MYLK: variants seen among roughly 807,000 people sequenced by gnomAD.
MYLK encodes myosin light chain kinase, also known as myosin light chain kinase, smooth muscle.
MYLK carries 106 observed loss-of-function variants against 203.4 expected under a neutral mutation model. The ratio of observed to expected loss-of-function variants is 0.52; its 90% CI spans 0.45 to 0.61. MYLK has a LOEUF of 0.61. Ranked by LOEUF, MYLK falls within the 20% of genes least tolerant of loss-of-function variation. The probability of loss-of-function intolerance (pLI) is 0.00; values close to 1 mark genes in which losing one functional copy is unlikely to be tolerated. For missense variants in MYLK, 2,072 were observed against 2,442.3 expected, an observed-to-expected ratio of 0.85 and a Z score of 3.20; for synonymous variants, 867 against 959.5, an observed-to-expected ratio of 0.90 and a Z score of 1.78.
At position 123,770,908 on chromosome 3, in the gene MYLK, C is replaced by T. The variant is rs145972985; in HGVS notation, c.166-18370G>A. Reference sequence around the variant, plus strand: ...ACAACCAAATGGACCAACTGTGACACGGTAGATCCCCGTCCCCAGAATGTT... The same window carrying T: ...ACAACCAAATGGACCAACTGTGACATGGTAGATCCCCGTCCCCAGAATGTT... On this transcript the variant is annotated intron_variant, in intron 4 of 33. Transcript: ENST00000360304. Among the ~76,000 whole-genome samples, 72 of 152,260 alleles carry T rather than the reference C, an allele frequency of 4.7e-4. No homozygotes were observed. The East Asian group carries it at 9.5e-3, about 20-fold the overall frequency.
intron 30 of MYLK, 120 bp from the exon 31 acceptor site, chr3:123,627,061 T>C: frequency 9.1e-7 from 1 of 1,104,742 alleles, no homozygotes; most frequent in Non-Finnish European, 1.4e-6. Context: ...GGGCCCCTGC[T>C]CCCGGACCAT....
intron 33 of MYLK, chr3:123,617,316 GA>G: frequency 6.6e-6 from 1 of 152,150 alleles, no homozygotes; most frequent in Non-Finnish European, 1.5e-5. Context: ...AAAAGGAAAA[GA>G]AACTTCAGAA....
chr3:123,709,111 G>C (rs527349920), intron 14 of MYLK: 1 of 408,574 alleles, frequency 2.4e-6, no homozygotes, highest in East Asian at 3.9e-5. Flanking sequence ...AACATCTTCT[G>C]AGATTTGGGA....
chr3:123,857,222 T>C (rs1277327163), intron 2 of MYLK, among the ~76,000 whole-genome samples: 1 of 152,160 alleles, frequency 6.6e-6, no homozygotes, highest in Non-Finnish European at 1.5e-5. Context: ...GTTCAACCAT[T>C]GTGGAAGTCA....
intron 13 of MYLK, among the ~76,000 whole-genome samples, chr3:123,712,925 T>A (rs2061752377): frequency 6.6e-6 from 1 of 152,248 alleles, no homozygotes; most frequent in South Asian, 2.1e-4. Context: ...TCAATGGGTT[T>A]ATCAGCAGTC....
chr3:123,851,527 A>T (rs542629407), intron 2 of MYLK, among the ~76,000 whole-genome samples: 815 of 72,828 alleles, frequency 0.011, 6 homozygotes, highest in African/African-American at 0.045. Flanking sequence ...GAGTTCACTG[A>T]TGATTTGCCT....
At chr3:123,795,199 T>A (rs191790126) in intron 3 of MYLK, among the ~76,000 whole-genome samples, 4 of 152,206 alleles carry the variant, frequency 2.6e-5, no homozygotes, top group African/African-American at 9.6e-5. Flanking sequence ...ATGTTTTCTA[T>A]TTTTTCCCTA....
chr3:123,755,705 C>T (rs1460034126), intron 4 of MYLK, among the ~76,000 whole-genome samples: 1 of 152,058 alleles, frequency 6.6e-6, no homozygotes, highest in Non-Finnish European at 1.5e-5. Flanking sequence ...CCTGCCCTCC[C>T]AGGTTGCCTT....
At chr3:123,842,088 A>G (rs929054562) in intron 2 of MYLK, among the ~76,000 whole-genome samples, 1 of 152,108 alleles carries the variant, frequency 6.6e-6, no homozygotes, top group African/African-American at 2.4e-5. Context: ...TTATTATACA[A>G]TATTATATAC....
chr3:123,716,925 C>A (rs1299639932), intron 13 of MYLK, among the ~76,000 whole-genome samples: 1 of 152,022 alleles, frequency 6.6e-6, no homozygotes, highest in Non-Finnish European at 1.5e-5. Flanking sequence ...GTACACAAAC[C>A]CAATTCTGTA....
At chr3:123,660,992 T>C (rs2059543805) in intron 23 of MYLK, among the ~76,000 whole-genome samples, 1 of 152,230 alleles carries the variant, frequency 6.6e-6, no homozygotes, top group African/African-American at 2.4e-5. Flanking sequence ...AGCAATTCTA[T>C]TCTTAGTTCT....
intron 2 of MYLK, among the ~76,000 whole-genome samples, chr3:123,869,195 C>CA (rs2032562265): frequency 6.6e-6 from 1 of 152,008 alleles, no homozygotes; most frequent in Non-Finnish European, 1.5e-5. Flanking sequence ...GGGTCTTGAA[C>CA]CTTGTCAAGA....
chr3:123,720,997 G>A (rs973273989), intron 13 of MYLK, among the ~76,000 whole-genome samples: 2 of 152,196 alleles, frequency 1.3e-5, no homozygotes, highest in African/African-American at 4.8e-5. Flanking sequence ...AACGTGATGC[G>A]CTTAGGCAAG....
intron 19 of MYLK, among the ~76,000 whole-genome samples, chr3:123,686,753 G>T (rs1485684369): frequency 6.6e-6 from 1 of 152,184 alleles, no homozygotes; most frequent in East Asian, 1.9e-4. Context: ...AAGTCGTAAG[G>T]TGATGGCTGA....
At position 123,740,019 on chromosome 3, in the gene MYLK, G is replaced by C; in HGVS notation, c.374-18C>G. On this transcript the variant is annotated intron_variant, in intron 5 of 33. Coordinates refer to ENST00000360304, the MANE Select transcript of MYLK (RefSeq NM_053025.4). ...AAAACTTCCTGCAAGAAAAAGAGTTGATGAGTCAGGTCTGAGCCACCAACT... is the reference window on the plus strand; with the variant it reads ...AAAACTTCCTGCAAGAAAAAGAGTTCATGAGTCAGGTCTGAGCCACCAACT... 1 of 1,613,638 alleles carries C rather than the reference G, an allele frequency of 6.2e-7. No homozygotes were observed. Among genetic ancestry groups the C allele is most frequent in the Non-Finnish European group, 8.5e-7 (1 of 1,179,638 alleles).
chr3:123,638,942 T>C, intron 28 of MYLK: 18 of 985,470 alleles, frequency 1.8e-5, no homozygotes, highest in Non-Finnish European at 2.2e-5. Flanking sequence ...GCAAATGTTC[T>C]AAAACAAAGC....
intron 29 of MYLK, among the ~76,000 whole-genome samples, chr3:123,635,124 C>T (rs2058590775): frequency 6.6e-6 from 1 of 152,174 alleles, no homozygotes; most frequent in African/African-American, 2.4e-5. Context: ...TCTCACTGGC[C>T]CCAGAAAGGA....
chr3:123,658,100 T>G (rs2059447265), intron 23 of MYLK, among the ~76,000 whole-genome samples: 1 of 152,246 alleles, frequency 6.6e-6, no homozygotes, highest in Non-Finnish European at 1.5e-5. Flanking sequence ...GTGGCTGGCT[T>G]GACTAGTCAT....
At chr3:123,758,599 C>T (rs1018815714) in intron 4 of MYLK, among the ~76,000 whole-genome samples, 9 of 152,108 alleles carry the variant, frequency 5.9e-5, no homozygotes, top group Admixed American at 5.9e-4. Flanking sequence ...TCGACATCTG[C>T]AAGGCTGAGG....
Sources: allele counts gnomAD v4.1 joint callset (sites outside exome capture counted in the v4.1 genomes callset), GRCh38; gene constraint gnomAD v4.1.1; transcripts MANE v1.5; gene names NCBI Gene and HGNC (gene_info 2026-07-23, HGNC 2026-07-21).